Variants in ANO4 observed in about 807,000 individuals in gnomAD.
The protein encoded by ANO4 is anoctamin-4.
In ANO4, 69 loss-of-function variants were observed where a neutral mutation model predicts 141.9. That is an observed-to-expected ratio of 0.49 (90% confidence interval 0.40 to 0.59). The LOEUF is 0.59. Ranked by LOEUF, ANO4 falls within the 20% of genes least tolerant of loss-of-function variation. The pLI is 0.00. For missense variants in ANO4, 894 were observed against 1,162.2 expected (o/e 0.77, Z 3.36); for synonymous variants, 350 against 394.3 (o/e 0.89, Z 1.33).
intron 3 of ANO4, among the ~76,000 whole-genome samples, chr12:100,926,630 T>G (rs906278943): frequency 3.6e-5 from 5 of 140,346 alleles, no homozygotes; most frequent in East Asian, 2.1e-4. Flanking sequence ...GTGTGTGTGT[T>G]TGTTTCTTTT....
intron 1 of ANO4, among the ~76,000 whole-genome samples, chr12:100,816,456 A>G (rs186091775): frequency 3.3e-5 from 5 of 152,126 alleles, no homozygotes. Flanking sequence ...TGTGGTAGGA[A>G]GGAGTATGAA....
intron 1 of ANO4, among the ~76,000 whole-genome samples, chr12:100,800,796 A>T (rs1040296821): frequency 5.9e-5 from 9 of 152,234 alleles, no homozygotes; most frequent in Admixed American, 6.5e-5. Flanking sequence ...AACAGTGTAC[A>T]GCCCTTGCTT....
intron 1 of ANO4, among the ~76,000 whole-genome samples, chr12:100,875,173 C>G (rs556542224): frequency 6.6e-6 from 1 of 152,028 alleles, no homozygotes; most frequent in Non-Finnish European, 1.5e-5. Context: ...CACCTCATGT[C>G]GAATTGTAAT....
At chr12:100,720,171 C>T (rs1384000298) in intron 1 of ANO4, among the ~76,000 whole-genome samples, 2 of 152,028 alleles carry the variant, frequency 1.3e-5, no homozygotes, top group African/African-American at 4.8e-5. Flanking sequence ...CAAAGGAAGG[C>T]ACAGAGGCTG....
At chr12:101,084,302 T>C (rs2049398903) in intron 16 of ANO4, among the ~76,000 whole-genome samples, 1 of 152,202 alleles carries the variant, frequency 6.6e-6, no homozygotes, top group Non-Finnish European at 1.5e-5. Flanking sequence ...TGTTTTATTA[T>C]AGTATATTTT....
chr12:100,903,306 C>A (rs1224281844), intron 2 of ANO4, among the ~76,000 whole-genome samples: 3 of 152,154 alleles, frequency 2.0e-5, no homozygotes, highest in African/African-American at 4.8e-5. Context: ...TCTCTTATTT[C>A]TCTCGCATGT....
intron 24 of ANO4, among the ~76,000 whole-genome samples, chr12:101,113,041 C>G (rs1288065240): frequency 6.6e-6 from 1 of 152,170 alleles, no homozygotes; most frequent in Non-Finnish European, 1.5e-5. Context: ...ATTCTCAAAA[C>G]AGCCCTGGGA....
chr12:101,002,183 AC>A (rs1218608659), intron 8 of ANO4, among the ~76,000 whole-genome samples: 1 of 151,964 alleles, frequency 6.6e-6, no homozygotes, highest in East Asian at 1.9e-4. Flanking sequence ...TGTCTATCCC[AC>A]TCATGTCACA....
chr12:100,828,560 C>A (rs1410161406), intron 1 of ANO4, among the ~76,000 whole-genome samples: 2 of 151,972 alleles, frequency 1.3e-5, no homozygotes, highest in African/African-American at 2.4e-5. Context: ...TAGTTTCATG[C>A]CACTTTAGGA....
At position 101,096,585 on chromosome 12, in the gene ANO4, GTTTCTT is replaced by G; in HGVS notation, c.1793_1798del (p.Leu598_Phe599del). On this transcript the variant is annotated inframe_deletion, in exon 19 of 28. Transcript: ENST00000392977. ...GGGAGAACAGCTTCACCCTGAAAAT[GTTTCTT>G]TTTCAGTTTGTCAATCTGAACAGCT... 6.2e-7 allele frequency: 1 copy of G among 1,613,560 alleles called. No individual in the cohort carries two copies. The highest frequency in any genetic ancestry group is 8.5e-7 in the Non-Finnish European group (1 of 1,179,648).
chr12:101,127,887 C>CTT lies in ANO4; in HGVS notation c.*31_*32insTT, dbSNP rs1426769418. On this transcript the variant is annotated 3_prime_UTR_variant, in exon 28 of 28. Coordinates refer to ENST00000392977, the MANE Select transcript of ANO4 (RefSeq NM_001286615.2). ...AAATAGTCCCTTTCCAGGCCAAGGA[C>CTT]CTGAATTCTGTTTACTTCTTCTGGC... 6.6e-6 allele frequency: 1 copy of CTT among 152,612 alleles called. No individual in the cohort carries two copies. The highest frequency in any genetic ancestry group is 1.5e-5 in the Non-Finnish European group (1 of 68,048). The allele number at this position is 152,612 out of a possible 1,614,324, so 9.5% of individuals were successfully genotyped here. A position where few individuals can be genotyped will look rare whatever the true frequency, so the allele number is the denominator to read the frequency against.
At chr12:100,981,524 G>GA (rs2044463474) in intron 7 of ANO4, among the ~76,000 whole-genome samples, 2 of 152,058 alleles carry the variant, frequency 1.3e-5, no homozygotes, top group African/African-American at 4.8e-5. Flanking sequence ...GAAAAGAAAA[G>GA]AAAGCTCATC....
chr12:100,834,000 C>G (rs1182683117), intron 1 of ANO4, among the ~76,000 whole-genome samples: 1 of 151,978 alleles, frequency 6.6e-6, no homozygotes, highest in Admixed American at 6.6e-5. Flanking sequence ...AAGAGAGGAC[C>G]TTTTGGGAGG....
At chr12:100,746,596 A>G (rs2032122064) in intron 3 of ANO4, among the ~76,000 whole-genome samples, 1 of 152,208 alleles carries the variant, frequency 6.6e-6, no homozygotes, top group African/African-American at 2.4e-5. Context: ...CAATGTCTGC[A>G]GATATTTTTG....
chr12:100,848,134 C>A (rs1046212240), intron 1 of ANO4, among the ~76,000 whole-genome samples: 4 of 151,832 alleles, frequency 2.6e-5, no homozygotes, highest in East Asian at 1.9e-4. Context: ...TGTTTTTTTT[C>A]TTTTTCTTCC....
rs143431168 is a variant in ANO4, at chr12:100,982,603, C to T, written c.603-4936C>T. Among the ~76,000 whole-genome samples the T allele has an allele frequency of 3.9e-5, 6 of 152,316 alleles. No individual in the cohort carries two copies. In the East Asian group the frequency reaches 5.8e-4, roughly 15 times the overall value. On this transcript the variant is annotated intron_variant, in intron 7 of 27. Transcript: ENST00000392977. ...CTATCACTCAATCGAGCCCTTTGTG[C>T]ATCCAAGGCATTGTGTAAGCACTTG...
At chr12:100,848,730 G>C (rs773892690) in intron 1 of ANO4, among the ~76,000 whole-genome samples, 3 of 152,132 alleles carry the variant, frequency 2.0e-5, no homozygotes, top group Non-Finnish European at 2.9e-5. Context: ...GTTACTGATT[G>C]CTCAATGGAT....
At chr12:100,788,056 T>C (rs1266689410) in intron 3 of ANO4, among the ~76,000 whole-genome samples, 2 of 152,220 alleles carry the variant, frequency 1.3e-5, no homozygotes, top group African/African-American at 4.8e-5. Context: ...TTATCCCTGA[T>C]TGCCATGGTT....
At chr12:100,883,186 T>G (rs983118881) in intron 1 of ANO4, among the ~76,000 whole-genome samples, 1 of 152,208 alleles carries the variant, frequency 6.6e-6, no homozygotes, top group Admixed American at 6.5e-5. Context: ...GCAAATACAG[T>G]CCGTAAAACA....
Sources: gnomAD v4.1 joint callset for allele counts (sites outside exome capture counted in the v4.1 genomes callset) on GRCh38, gnomAD v4.1.1 for gene constraint, MANE v1.5 for transcripts, NCBI Gene and HGNC (gene_info 2026-07-23, HGNC 2026-07-21) for gene names.